The following ZNF813 variants were observed in gnomAD, a reference collection of about 807,000 sequenced individuals.
ZNF813 encodes zinc finger protein 813.
In ZNF813, 3 loss-of-function variants were observed where a neutral mutation model predicts 7.2. The ratio of observed to expected loss-of-function variants is 0.42; its 90% CI spans 0.19 to 1.08. ZNF813 has a LOEUF of 1.08. ZNF813 is among the 50% of genes least tolerant of loss of function. The probability of loss-of-function intolerance (pLI) is 0.30; values close to 1 mark genes in which losing one functional copy is unlikely to be tolerated. For synonymous variants in ZNF813, 227 were observed against 256.3 expected, an observed-to-expected ratio of 0.89 and a Z score of 1.09; for missense variants, 714 against 753.3, an observed-to-expected ratio of 0.95 and a Z score of 0.61.
rs2086377471 is a variant in ZNF813 at position 53,475,418 on chromosome 19, T to C, written c.-74+7629T>C. Among the ~76,000 whole-genome samples, 3 of 152,404 alleles carry C rather than the reference T, an allele frequency of 2.0e-5. No homozygotes were observed. The South Asian group carries it at 6.2e-4, about 32-fold the overall frequency. On this transcript the variant is annotated intron_variant, in intron 1 of 3. Transcript: ENST00000396403. ...CTGAGGGGTCTGTCTGTAAGATCTT[T>C]CTCATTGGGGAATACCTCGTCTACT...
At chr19:53,482,118 A>G (rs1045201888) in intron 1 of ZNF813, among the ~76,000 whole-genome samples, 3 of 152,200 alleles carry the variant, frequency 2.0e-5, no homozygotes, top group African/African-American at 7.2e-5. Context: ...GTGTCTGGGT[A>G]TGGCTTTTCT....
Position 53,490,703 on chromosome 19 carries a change from A to G in ZNF813, c.471A>G (p.Gln157=). The change falls in exon 4 of 4, where the codon CAA becomes CAG. Residue 157 remains glutamine (Q), a synonymous_variant. Transcript: ENST00000396403. ...CTGAACTCCACATGTTTCAGACCCA[A>G]GGGAAAATTGGTAATCAAGTGGAGA... ...HLPELHMFQT[Q]GKIGNQVEKS... 1 of 1,614,184 alleles carries G rather than the reference A, an allele frequency of 6.2e-7. No homozygotes were observed. Among genetic ancestry groups the G allele is most frequent in the East Asian group, 2.2e-5 (1 of 44,882 alleles).
At position 53,492,384 on chromosome 19, in the gene ZNF813, A is replaced by G. The variant is rs1375984940; in HGVS notation, c.*298A>G. On this transcript the variant is annotated 3_prime_UTR_variant, in exon 4 of 4. Coordinates refer to ENST00000396403, the MANE Select transcript of ZNF813 (RefSeq NM_001004301.4). ...CTGGAGAGAAAGCTTACAAAGGTGAAGAATATCACAGAGTTTTCAGTCACA... is the reference window on the plus strand; with the variant it reads ...CTGGAGAGAAAGCTTACAAAGGTGAGGAATATCACAGAGTTTTCAGTCACA... The G allele has an allele frequency of 2.0e-6, 1 of 508,550 alleles. No individual in the cohort carries two copies. Among genetic ancestry groups the G allele is most frequent in the African/African-American group, 1.9e-5 (1 of 51,688 alleles). 31.5% of individuals were successfully genotyped at this position (508,550 alleles called of 1,614,324 possible). A position where few individuals can be genotyped will look rare whatever the true frequency, so the allele number is the denominator to read the frequency against.
intron 1 of ZNF813, among the ~76,000 whole-genome samples, chr19:53,481,973 TC>T (rs747300590): frequency 6.6e-6 from 1 of 152,108 alleles, no homozygotes; most frequent in Non-Finnish European, 1.5e-5. Context: ...TCAGACATTC[TC>T]AGGGTAGCTT....
At position 53,491,135 on chromosome 19, in the gene ZNF813, T is replaced by C. The variant is rs2086458874; in HGVS notation, c.903T>C (p.Cys301=). ...RLHTGEKPYK[C]EECDKAFSFK... is the part of the protein sequence containing the mutation. The stretch of plus-strand genomic sequence containing the variant: ...ATACTGGAGAGAAACCTTACAAATG[T>C]GAAGAATGTGACAAAGCTTTCAGTT... The change falls in exon 4 of 4, where the codon TGT becomes TGC. Residue 301 remains cysteine (C), a synonymous_variant. Transcript: ENST00000396403. 1 of 1,614,008 alleles carries C rather than the reference T, an allele frequency of 6.2e-7. No homozygotes were observed. Among genetic ancestry groups the C allele is most frequent in the Non-Finnish European group, 8.5e-7 (1 of 1,179,984 alleles).
Position 53,492,064 on chromosome 19 carries a change from AGT to A in ZNF813, c.1836_1837del (p.Cys612TrpfsTer5). ...GGAGAGAAACCTTACAAGTTTAATG[AGT>A]GTGGCAAAGCTTTTAATTGAAAAGC... On this transcript the variant is annotated frameshift_variant, in exon 4 of 4. Transcript: ENST00000396403. LOFTEE classifies it low-confidence loss of function (END_TRUNC). The A allele has an allele frequency of 5.0e-6, 8 of 1,612,918 alleles. No individual in the cohort carries two copies. The highest frequency in any genetic ancestry group is 6.8e-6 in the Non-Finnish European group (8 of 1,179,424).
rs2086470693 is a variant in ZNF813 at position 53,492,933 on chromosome 19, G to A, written c.*847G>A. 3 of 481,278 alleles carry A rather than the reference G, an allele frequency of 6.2e-6. No individual in the cohort carries two copies. Among genetic ancestry groups the A allele is most frequent in the Non-Finnish European group, 1.3e-5 (3 of 234,540 alleles). The allele number at this position is 481,278 out of a possible 1,614,324, so 29.8% of individuals were successfully genotyped here. Reference sequence around the variant, plus strand: ...CGTTCACACCTCCTTAGACATCAGAGAATGCACACTGGACGGAAATCTTAC... The same window carrying A: ...CGTTCACACCTCCTTAGACATCAGAAAATGCACACTGGACGGAAATCTTAC... On this transcript the variant is annotated 3_prime_UTR_variant, in exon 4 of 4. Coordinates refer to ENST00000396403, the MANE Select transcript of ZNF813 (RefSeq NM_001004301.4).
At chr19:53,468,824 C>G (rs1010414664) in intron 1 of ZNF813, among the ~76,000 whole-genome samples, 4 of 152,134 alleles carry the variant, frequency 2.6e-5, no homozygotes, top group Non-Finnish European at 4.4e-5. Context: ...TCCCAGGGAC[C>G]AGCAGGAGAC....
intron 3 of ZNF813, among the ~76,000 whole-genome samples, chr19:53,487,712 C>T (rs957986537): frequency 1.3e-5 from 2 of 151,138 alleles, no homozygotes; most frequent in African/African-American, 2.4e-5. Flanking sequence ...GCAGGAGAGT[C>T]GCTTGAACCT....
intron 1 of ZNF813, among the ~76,000 whole-genome samples, chr19:53,470,360 G>A (rs930189102): frequency 3.6e-5 from 4 of 110,910 alleles, no homozygotes; most frequent in African/African-American, 1.7e-4. Flanking sequence ...GTGAATGAAT[G>A]CATATTTTTT....
intron 3 of ZNF813, among the ~76,000 whole-genome samples, chr19:53,489,039 T>G (rs1420062676): frequency 6.6e-6 from 1 of 151,874 alleles, no homozygotes; most frequent in Non-Finnish European, 1.5e-5. Context: ...AGAGTTTCAC[T>G]GTTGTTGCCC....
At chr19:53,472,240 G>A (rs1444141615) in intron 1 of ZNF813, among the ~76,000 whole-genome samples, 2 of 152,104 alleles carry the variant, frequency 1.3e-5, no homozygotes. Context: ...CTGGCATTTC[G>A]ATAAGCATAA....
chr19:53,473,162 A>G (rs1247432634), intron 1 of ZNF813, among the ~76,000 whole-genome samples: 1 of 152,208 alleles, frequency 6.6e-6, no homozygotes, highest in East Asian at 1.9e-4. Flanking sequence ...ACAGAACAAT[A>G]ATAAAACAGT....
In ZNF813 at chr19:53,491,989, A is replaced by G. The variant is rs1312599228; in HGVS notation, c.1757A>G (p.Lys586Arg). 5.0e-6 allele frequency: 8 copies of G among 1,614,102 alleles called. No homozygotes were observed. Among genetic ancestry groups the G allele is most frequent in the East Asian group, 2.2e-5 (1 of 44,866 alleles). ...EKPYKCNECG[K>R]VFNQKANLAR... ...CCTTACAAGTGTAATGAATGTGGCAAGGTTTTTAATCAAAAAGCAAACCTT... is the reference window on the plus strand; with the variant it reads ...CCTTACAAGTGTAATGAATGTGGCAGGGTTTTTAATCAAAAAGCAAACCTT... Residue 586 changes from lysine to arginine, a missense_variant, in exon 4 of 4, where the codon AAG becomes AGG. Lys to Arg is a conservative substitution (Grantham distance 26, BLOSUM62 2). Around this residue, in one of 3 missense-constraint regions of ZNF813, gnomAD observed 122 missense variants for 146.8 expected, o/e 0.83. Transcript: ENST00000396403.
At position 53,490,805 on chromosome 19, in the gene ZNF813, C is replaced by T; in HGVS notation, c.573C>T (p.Asn191=). 6.2e-7 allele frequency: 1 copy of T among 1,614,148 alleles called. No individual in the cohort carries two copies. Among genetic ancestry groups the T allele is most frequent in the South Asian group, 1.1e-5 (1 of 91,078 alleles). ...SCRPKTHISN[N]YGNNFRNSSL... Reference sequence around the variant, plus strand: ...GGCCCAAAACCCATATTTCTAATAACTATGGGAATAATTTCCGGAATTCTT... The same window carrying T: ...GGCCCAAAACCCATATTTCTAATAATTATGGGAATAATTTCCGGAATTCTT... The change falls in exon 4 of 4, where the codon AAC becomes AAT. Residue 191 remains asparagine, a synonymous_variant. Transcript: ENST00000396403.
intron 1 of ZNF813, among the ~76,000 whole-genome samples, chr19:53,483,542 A>C (rs61469417): frequency 0.015 from 2,222 of 152,096 alleles, 62 homozygotes; most frequent in African/African-American, 0.052. Flanking sequence ...AGCTCATCCC[A>C]CCCCAGCTCC....
At chr19:53,477,169 C>A (rs1053777695) in intron 1 of ZNF813, among the ~76,000 whole-genome samples, 2 of 152,106 alleles carry the variant, frequency 1.3e-5, no homozygotes, top group Non-Finnish European at 2.9e-5. Flanking sequence ...GGATAGTTAC[C>A]GTGGCCTGGT....
In ZNF813 at chr19:53,490,500, A is replaced by T; in HGVS notation, c.268A>T (p.Ile90Phe). The change falls in exon 4 of 4, where the codon ATT (isoleucine) becomes TTT (phenylalanine). Residue 90 changes from isoleucine to phenylalanine, a missense_variant. Ile to Phe is a conservative substitution (Grantham distance 21). Transcript: ENST00000396403. ...CACTGGAGACTTTCGCTTTCAGGAA[A>T]TTGATAAAGATATTCATAACTTAGA... Reference protein sequence around the residue: ...HHTGDFRFQEIDKDIHNLEFQ... With the variant: ...HHTGDFRFQEFDKDIHNLEFQ... 6.2e-7 allele frequency: 1 copy of T among 1,614,196 alleles called. No individual in the cohort carries two copies. The highest frequency in any genetic ancestry group is 8.5e-7 in the Non-Finnish European group (1 of 1,180,038).
intron 1 of ZNF813, among the ~76,000 whole-genome samples, chr19:53,471,740 A>G (rs550426826): frequency 6.7e-6 from 1 of 149,510 alleles, no homozygotes; most frequent in African/African-American, 2.5e-5. Flanking sequence ...TGAACTTGGG[A>G]GGCGGAGCTT....
Sources: allele counts gnomAD v4.1 joint callset (sites outside exome capture counted in the v4.1 genomes callset), GRCh38; gene constraint gnomAD v4.1.1; regional missense constraint gnomAD v4.1.1; transcripts MANE v1.5; gene names NCBI Gene and HGNC (gene_info 2026-07-23, HGNC 2026-07-21).